Variants in TLN2 observed in about 807,000 individuals in gnomAD.
TLN2 encodes the protein talin-2.
TLN2 carries 118 observed loss-of-function variants against 294.7 expected under a neutral mutation model. The observed-to-expected ratio is 0.40, with a 90% CI of 0.34 to 0.47. TLN2 has a LOEUF of 0.47. TLN2 is among the 20% of genes least tolerant of loss of function. The pLI, the probability that TLN2 is intolerant of heterozygous loss-of-function variation, is 0.84. For synonymous variants in TLN2, 1,431 were observed against 1,304.5 expected, an observed-to-expected ratio of 1.10 and a Z score of -2.09; for missense variants, 3,083 against 3,282.2, an observed-to-expected ratio of 0.94 and a Z score of 1.48.
chr15:62,634,234 A>G (rs549793797), intron 3 of TLN2, among the ~76,000 whole-genome samples: 1 of 152,340 alleles, frequency 6.6e-6, no homozygotes, highest in African/African-American at 2.4e-5. Context: ...GACAGATGAC[A>G]CAAGATTGTA....
chr15:62,744,870 C>T (rs2061532844), intron 32 of TLN2, among the ~76,000 whole-genome samples: 2 of 152,096 alleles, frequency 1.3e-5, no homozygotes, highest in South Asian at 4.2e-4. Flanking sequence ...ATCTCTGTGC[C>T]TTGACATAAC....
chr15:62,509,131 A>G (rs550904589), intron 1 of TLN2, among the ~76,000 whole-genome samples: 7 of 152,340 alleles, frequency 4.6e-5, no homozygotes, highest in Non-Finnish European at 8.8e-5. Context: ...GTCTGGCTCT[A>G]GGATCTGTGA....
intron 1 of TLN2, among the ~76,000 whole-genome samples, chr15:62,580,590 T>G (rs2140685797): frequency 6.6e-6 from 1 of 152,246 alleles, no homozygotes; most frequent in South Asian, 2.1e-4. Flanking sequence ...TTTGTATTTT[T>G]TGTAGAGATG....
chr15:62,553,848 G>T (rs1029558648), intron 1 of TLN2, among the ~76,000 whole-genome samples: 2 of 151,850 alleles, frequency 1.3e-5, no homozygotes, highest in African/African-American at 2.4e-5. Flanking sequence ...GTTGTCAAGA[G>T]AAATTATATA....
intron 12 of TLN2, among the ~76,000 whole-genome samples, 178 bp downstream of exon 12, chr15:62,686,974 G>C (rs2057340002): frequency 6.6e-6 from 1 of 152,204 alleles, no homozygotes; most frequent in Admixed American, 6.5e-5. Flanking sequence ...AAGTAAAAGA[G>C]AGGTCAGCAA....
At position 62,783,988 on chromosome 15, in the gene TLN2, AG is replaced by A. The variant is rs765586640; in HGVS notation, c.5736+99del. ...GCTTAGCTCCACTCTGGAAGACCCCAGCCCAGTAACCAGAGCCCAGTTTATT... is the reference window on the plus strand; with the variant it reads ...GCTTAGCTCCACTCTGGAAGACCCCACCCAGTAACCAGAGCCCAGTTTATT... On this transcript the variant is annotated intron_variant, in intron 45 of 58. Coordinates refer to ENST00000636159, the MANE Select transcript of TLN2 (RefSeq NM_015059.3). 3 of 1,571,686 alleles carry A rather than the reference AG, an allele frequency of 1.9e-6. 1 individual carries two copies. The South Asian group carries it at 3.4e-5, about 18-fold the overall frequency.
intron 1 of TLN2, among the ~76,000 whole-genome samples, chr15:62,498,106 A>G (rs567527752): frequency 1.4e-5 from 2 of 146,630 alleles, no homozygotes; most frequent in Admixed American, 1.4e-4. Context: ...ATTAGCCGTG[A>G]TCATGCCACT....
chr15:62,418,867 G>A (rs1009431297), intron 1 of TLN2, among the ~76,000 whole-genome samples: 3 of 152,226 alleles, frequency 2.0e-5, no homozygotes, highest in Non-Finnish European at 4.4e-5. Flanking sequence ...AATGTCATCA[G>A]TTAAGACTAT....
chr15:62,545,213 C>G (rs1371262136), intron 1 of TLN2, among the ~76,000 whole-genome samples: 2 of 152,042 alleles, frequency 1.3e-5, no homozygotes. Flanking sequence ...GCTGGGATTA[C>G]AGGCGTGAGC....
intron 45 of TLN2, among the ~76,000 whole-genome samples, chr15:62,791,523 A>G (rs138753646): frequency 7.5e-4 from 115 of 152,328 alleles, no homozygotes; most frequent in African/African-American, 2.7e-3. Flanking sequence ...AGAAATAACA[A>G]TTGCAGCACC....
chr15:62,735,986 A>G (rs1567490059), intron 28 of TLN2, among the ~76,000 whole-genome samples: 1 of 152,164 alleles, frequency 6.6e-6, no homozygotes. Flanking sequence ...ACAAAAGAAT[A>G]TATATATGTG....
intron 3 of TLN2, among the ~76,000 whole-genome samples, chr15:62,635,259 TAAG>T (rs898243249): frequency 6.6e-6 from 1 of 152,056 alleles, no homozygotes; most frequent in Non-Finnish European, 1.5e-5. Flanking sequence ...AATTTTAGCT[TAAG>T]AAAATAATCT....
At chr15:62,782,811 G>A (rs2064297893) in intron 44 of TLN2, among the ~76,000 whole-genome samples, 1 of 152,138 alleles carries the variant, frequency 6.6e-6, no homozygotes, top group Non-Finnish European at 1.5e-5. Context: ...TCATTCAAAA[G>A]ACATTTTAAA....
At chr15:62,648,944 CAA>C (rs1453733828) in intron 4 of TLN2, among the ~76,000 whole-genome samples, 1 of 151,920 alleles carries the variant, frequency 6.6e-6, no homozygotes, top group Non-Finnish European at 1.5e-5. Flanking sequence ...CTTCCAGGCT[CAA>C]GTGATCCTCT....
chr15:62,631,082 T>C (rs1464745609), intron 3 of TLN2, among the ~76,000 whole-genome samples: 1 of 152,162 alleles, frequency 6.6e-6, no homozygotes, highest in Non-Finnish European at 1.5e-5. Context: ...CAGGGGAATA[T>C]GGATATATAA....
At chr15:62,474,642 A>G (rs1356061522) in intron 1 of TLN2, among the ~76,000 whole-genome samples, 3 of 152,186 alleles carry the variant, frequency 2.0e-5, no homozygotes, top group Admixed American at 6.5e-5. Context: ...CCCTGTCTCA[A>G]AAAAGAATAA....
At chr15:62,585,827 A>G (rs2045553038) in intron 1 of TLN2, among the ~76,000 whole-genome samples, 1 of 152,162 alleles carries the variant, frequency 6.6e-6, no homozygotes, top group Non-Finnish European at 1.5e-5. Context: ...GTTCTGTCTC[A>G]GCGTTCTCTA....
intron 1 of TLN2, among the ~76,000 whole-genome samples, chr15:62,473,886 G>A (rs560430525): frequency 5.3e-4 from 80 of 152,340 alleles, no homozygotes; most frequent in Middle Eastern, 3.4e-3. Flanking sequence ...CTGAGGTCAG[G>A]AGTTCGAGAC....
At chr15:62,472,340 C>G (rs2037526915) in intron 1 of TLN2, among the ~76,000 whole-genome samples, 1 of 152,200 alleles carries the variant, frequency 6.6e-6, no homozygotes, top group Non-Finnish European at 1.5e-5. Flanking sequence ...GGGGAGAACC[C>G]TCATGCCAGA....
Sources: allele counts gnomAD v4.1 joint callset (sites outside exome capture counted in the v4.1 genomes callset), GRCh38; gene constraint gnomAD v4.1.1; transcripts MANE v1.5; gene names NCBI Gene and HGNC (gene_info 2026-07-23, HGNC 2026-07-21).